ACTL8: variants seen among roughly 807,000 people sequenced by gnomAD.
The protein encoded by ACTL8 is actin-like protein 8.
ACTL8 carries 3 observed loss-of-function variants against 9.3 expected under a neutral mutation model. The observed-to-expected ratio is 0.32, with a 90% confidence interval of 0.15 to 0.83. The LOEUF is 0.83. Among genes scored for constraint, ACTL8 ranks in the 40% least tolerant of loss-of-function variants. The pLI, the probability that ACTL8 is intolerant of heterozygous loss-of-function variation, is 0.57. For synonymous variants in ACTL8, 224 were observed against 205.9 expected (o/e 1.09, Z -0.75); for missense variants, 381 against 492.2 (o/e 0.77, Z 2.14).
rs7538040 is a variant in ACTL8, at chr1:17,818,752, C to G, written c.-24-4233C>G. On this transcript the variant is annotated intron_variant, in intron 1 of 2. Coordinates refer to ENST00000375406, the MANE Select transcript of ACTL8 (RefSeq NM_030812.3). ...ATTGTGCCTCTGTGCCTCTTGAGTT[C>G]CCTGTCCTTACCAGGTTTTCTTTTT... 5.6e-3 allele frequency among the ~76,000 whole-genome samples: 846 copies of G among 152,280 alleles called. 5 individuals carry two copies. Among genetic ancestry groups the G allele is most frequent in the African/African-American group, 0.019 (807 of 41,542 alleles).
chr1:17,770,828 G>A (rs2066077737), intron 1 of ACTL8, among the ~76,000 whole-genome samples: 1 of 152,206 alleles, frequency 6.6e-6, no homozygotes, highest in African/African-American at 2.4e-5. Flanking sequence ...TTGTGGTGCT[G>A]ATAGCAGTTG....
rs34383884 is a variant in ACTL8 at position 17,816,200 on chromosome 1, C to CTTTTTTTTT, written c.-24-6777_-24-6769dup. 4.4e-3 allele frequency among the ~76,000 whole-genome samples: 618 copies of CTTTTTTTTT among 139,518 alleles called. 7 individuals carry two copies. The highest frequency in any genetic ancestry group is 0.016 in the African/African-American group (570 of 36,746). 91.5% of individuals were successfully genotyped at this position (139,518 alleles called of 152,430 possible). A position where few individuals can be genotyped will look rare whatever the true frequency, so the allele number is the denominator to read the frequency against. On this transcript the variant is annotated intron_variant, in intron 1 of 2. Transcript: ENST00000375406. ...GCAATAGAACTCAAAATATTAATAGCTTTTTTTTTTTTTTTTGAGACCAGG... is the reference window on the plus strand; with the variant it reads ...GCAATAGAACTCAAAATATTAATAGCTTTTTTTTTTTTTTTTTTTTTTTTTGAGACCAGG...
intron 1 of ACTL8, among the ~76,000 whole-genome samples, chr1:17,797,167 C>T (rs577737617): frequency 3.4e-4 from 52 of 152,138 alleles, no homozygotes; most frequent in Non-Finnish European, 7.2e-4. Flanking sequence ...TCCCGCCTCT[C>T]TGTGGTCCCT....
chr1:17,791,282 G>T (rs2066237781), intron 1 of ACTL8, among the ~76,000 whole-genome samples: 1 of 152,188 alleles, frequency 6.6e-6, no homozygotes, highest in Non-Finnish European at 1.5e-5. Flanking sequence ...CCTCCCTGCT[G>T]CAGCAGGCGT....
intron 1 of ACTL8, among the ~76,000 whole-genome samples, chr1:17,822,014 C>G (rs890883274): frequency 1.3e-5 from 2 of 152,168 alleles, no homozygotes; most frequent in Non-Finnish European, 1.5e-5. Flanking sequence ...ACCATACCTA[C>G]CTTTTCAGCA....
intron 1 of ACTL8, among the ~76,000 whole-genome samples, chr1:17,791,545 G>A (rs1310350909): frequency 1.3e-5 from 2 of 152,200 alleles, no homozygotes; most frequent in Non-Finnish European, 2.9e-5. Flanking sequence ...AGTGCCTGGT[G>A]GTGGCTCTGA....
intron 1 of ACTL8, among the ~76,000 whole-genome samples, chr1:17,768,379 C>A: frequency 6.6e-6 from 1 of 152,182 alleles, no homozygotes; most frequent in Non-Finnish European, 1.5e-5. Flanking sequence ...TTCAACAGTC[C>A]TGCCAAGACT....
At chr1:17,765,113 G>A (rs1487720882) in intron 1 of ACTL8, among the ~76,000 whole-genome samples, 1 of 152,198 alleles carries the variant, frequency 6.6e-6, no homozygotes, top group Non-Finnish European at 1.5e-5. Flanking sequence ...GGAGGTGCTG[G>A]ACGCTTCCTT....
At chr1:17,790,022 CGTG>C (rs1557436448) in intron 1 of ACTL8, among the ~76,000 whole-genome samples, 2 of 152,160 alleles carry the variant, frequency 1.3e-5, no homozygotes, top group Non-Finnish European at 2.9e-5. Flanking sequence ...TGTGAGCAAG[CGTG>C]GTGTGTGGCC....
rs2296035 is a variant in ACTL8, at chr1:17,823,071, C to G, written c.63C>G (p.Gly21=). Residue 21 remains glycine (G), a synonymous_variant, in exon 2 of 3, where the codon GGC becomes GGG. Transcript: ENST00000375406. This position sits in a 1 kb window ranked among gnomAD's most constrained non-coding sequence, Gnocchi z 5.3. ...GCTTTTTGAAGGCTGGCACGGCCGG[C>G]TGGAATGAGCCTCAGATGGTCTTCC... ...GSGFLKAGTA[G]WNEPQMVFPN... 1 of 1,613,940 alleles carries G rather than the reference C, an allele frequency of 6.2e-7. No individual in the cohort carries two copies. Among genetic ancestry groups the G allele is most frequent in the Admixed American group, 1.7e-5 (1 of 59,988 alleles).
chr1:17,815,451 A>C (rs1243585333), intron 1 of ACTL8, among the ~76,000 whole-genome samples: 1 of 151,704 alleles, frequency 6.6e-6, no homozygotes, highest in Non-Finnish European at 1.5e-5. Context: ...CTTTTCTTTC[A>C]GTCCTTTAAA....
chr1:17,794,432 A>G (rs1304249439), intron 1 of ACTL8, among the ~76,000 whole-genome samples: 3 of 152,212 alleles, frequency 2.0e-5, no homozygotes, highest in Non-Finnish European at 4.4e-5. Context: ...TGTTGGTGGC[A>G]TTGTCCATCA....
chr1:17,810,075 C>T (rs74589925), intron 1 of ACTL8, among the ~76,000 whole-genome samples: 9,845 of 152,200 alleles, frequency 0.065, 785 homozygotes, highest in East Asian at 0.24. Flanking sequence ...TTGAACAAAA[C>T]AACCAAAACC....
chr1:17,798,815 C>T (rs1190011364), intron 1 of ACTL8, among the ~76,000 whole-genome samples: 1 of 152,168 alleles, frequency 6.6e-6, no homozygotes, highest in Non-Finnish European at 1.5e-5. Flanking sequence ...TGGGAAGCCA[C>T]GTGTGTGTTG....
intron 1 of ACTL8, among the ~76,000 whole-genome samples, chr1:17,770,707 G>A (rs2066076907): frequency 6.6e-6 from 1 of 152,152 alleles, no homozygotes. Flanking sequence ...AGACAGTAGT[G>A]GCAGAAGAGG....
rs2053686559 is a variant in ACTL8 at position 17,823,823 on chromosome 1, CA to C, written c.348+468del. On this transcript the variant is annotated intron_variant, in intron 2 of 2. Transcript: ENST00000375406. The surrounding 1 kb of genome is among the most constrained non-coding windows in gnomAD (Gnocchi z 5.3). ...AGTGAATGCCTGGTGTGCCACTAAG[CA>C]GGGGAGCTCACGGAGGCCCCACCTG... Among the ~76,000 whole-genome samples the C allele has an allele frequency of 6.6e-6, 1 of 152,186 alleles. No individual in the cohort carries two copies. The highest frequency in any genetic ancestry group is 1.5e-5 in the Non-Finnish European group (1 of 68,032).
chr1:17,773,962 A>G (rs2102679713), intron 1 of ACTL8, among the ~76,000 whole-genome samples: 1 of 152,362 alleles, frequency 6.6e-6, no homozygotes, highest in Middle Eastern at 3.4e-3. Flanking sequence ...ACAAGAGGGT[A>G]GCCAGAGGTG....
In ACTL8 at chr1:17,791,113, G is replaced by A. The variant is rs2066236103; in HGVS notation, c.-24-31872G>A. On this transcript the variant is annotated intron_variant, in intron 1 of 2. Transcript: ENST00000375406. The stretch of plus-strand genomic sequence containing the variant: ...TGTGCCTGGCAGGGGGTGGGGCCGG[G>A]CTCCTGCCTACTCCATGGAGCAGGA... Among the ~76,000 whole-genome samples, 4 of 152,112 alleles carry A rather than the reference G, an allele frequency of 2.6e-5. 1 individual carries two copies. Among genetic ancestry groups the A allele is most frequent in the South Asian group, 4.1e-4 (2 of 4,830 alleles).
chr1:17,794,865 G>A (rs2066266052), intron 1 of ACTL8, among the ~76,000 whole-genome samples: 2 of 152,218 alleles, frequency 1.3e-5, no homozygotes, highest in South Asian at 4.1e-4. Context: ...GGGAGTGGGA[G>A]AGGGGGCTGG....
Sources: allele counts gnomAD v4.1 joint callset (sites outside exome capture counted in the v4.1 genomes callset), GRCh38; gene constraint gnomAD v4.1.1; non-coding constraint Gnocchi (gnomAD v3.1); transcripts MANE v1.5; gene names NCBI Gene and HGNC (gene_info 2026-07-23, HGNC 2026-07-21).